LIFR: variants seen among roughly 807,000 people sequenced by gnomAD.
LIFR encodes leukemia inhibitory factor receptor.
LIFR carries 84 observed loss-of-function variants against 122.2 expected under a neutral mutation model. The observed-to-expected ratio is 0.69, with a 90% CI of 0.58 to 0.82. LIFR has a LOEUF of 0.82. LIFR is among the 40% of genes least tolerant of loss of function. LIFR has a pLI of 0.00. For synonymous variants in LIFR, 422 were observed against 434.7 expected, an observed-to-expected ratio of 0.97 and a Z score of 0.36; for missense variants, 1,294 against 1,311.6, an observed-to-expected ratio of 0.99 and a Z score of 0.21.
upstream of LIFR, chr5:38,559,308 A>G (rs1748744012): frequency 6.6e-6 from 1 of 152,384 alleles, no homozygotes; most frequent in South Asian, 2.1e-4. Flanking sequence ...GTAACAAAGC[A>G]AGAGCTTTAA....
chr5:38,502,901 T>G, intron 10 of LIFR, 102 bp from the exon 11 acceptor site: 1 of 594,890 alleles, frequency 1.7e-6, no homozygotes, highest in East Asian at 3.4e-5. Flanking sequence ...TAAGAAAGCC[T>G]TCACATTTGT....
chr5:38,578,207 C>CTTTTT lies in LIFR; in HGVS notation c.-20+17049_-20+17053dup, dbSNP rs3079294. On this transcript the variant is annotated intron_variant, in intron 1 of 19. Transcript: ENST00000263409. Reference sequence around the variant, plus strand: ...TTTCTTTTCTTTTCTTTTTCTTTTTCTTTTTTTTTTTTTTTTGAGACAGAG... The same window carrying CTTTTT: ...TTTCTTTTCTTTTCTTTTTCTTTTTCTTTTTTTTTTTTTTTTTTTTTGAGACAGAG... Among the ~76,000 whole-genome samples, 39 of 123,452 alleles carry CTTTTT rather than the reference C, an allele frequency of 3.2e-4. 2 individuals are homozygous for CTTTTT. The highest frequency in any genetic ancestry group is 5.4e-4 in the Admixed American group (6 of 11,092). The allele number at this position is 123,452 out of a possible 152,430, so 81.0% of individuals were successfully genotyped here. A position where few individuals can be genotyped will look rare whatever the true frequency, so the allele number is the denominator to read the frequency against.
chr5:38,500,201 G>GTA (rs1745105022), intron 11 of LIFR, among the ~76,000 whole-genome samples: 1 of 152,132 alleles, frequency 6.6e-6, no homozygotes, highest in East Asian at 1.9e-4. Flanking sequence ...ATATAGATGT[G>GTA]TATATATATA....
At chr5:38,502,888 T>C in intron 10 of LIFR, 89 bp from the exon 11 acceptor site, 1 of 725,972 alleles carries the variant, frequency 1.4e-6, no homozygotes, top group Admixed American at 3.4e-5. Context: ...CACTTTTTTT[T>C]GGTAAGAAAG....
At chr5:38,546,410 AT>A (rs1747896437) in intron 1 of LIFR, among the ~76,000 whole-genome samples, 1 of 151,732 alleles carries the variant, frequency 6.6e-6, no homozygotes, top group Non-Finnish European at 1.5e-5. Flanking sequence ...AACCATATAC[AT>A]AAAAAAAACA....
chr5:38,588,071 T>G (rs1036125697), intron 1 of LIFR, among the ~76,000 whole-genome samples: 2 of 152,230 alleles, frequency 1.3e-5, no homozygotes, highest in Non-Finnish European at 2.9e-5. Context: ...TATCAAAGCA[T>G]AAGTTAGCTG....
chr5:38,510,467 C>T lies in LIFR; in HGVS notation c.988G>A (p.Gly330Arg). 6.2e-7 allele frequency: 1 copy of T among 1,612,010 alleles called. No homozygotes were observed. Among genetic ancestry groups the T allele is most frequent in the Non-Finnish European group, 8.5e-7 (1 of 1,179,020 alleles). The change falls in exon 7 of 20, where the codon GGA becomes AGA. Residue 330 changes from glycine (G) to arginine (R), a missense_variant. Gly to Arg is a moderately radical substitution (Grantham distance 125). Transcript: ENST00000453190. ...DNIFGTVIFA[G>R]YPPDTPQQLN... ...CTCTTTAAAATCATATACTTACATC[C>T]AGCAAAAATAACGGTTCCAAATATG...
intron 1 of LIFR, among the ~76,000 whole-genome samples, chr5:38,583,355 C>CT (rs1449396382): frequency 6.6e-6 from 1 of 152,118 alleles, no homozygotes; most frequent in Non-Finnish European, 1.5e-5. Flanking sequence ...CCATGCAAGG[C>CT]TTTTTGGAAA....
At chr5:38,526,425 G>C (rs989600210) in intron 4 of LIFR, among the ~76,000 whole-genome samples, 3 of 150,410 alleles carry the variant, frequency 2.0e-5, no homozygotes, top group African/African-American at 7.3e-5. Flanking sequence ...CTGTGTGTGT[G>C]TGTGTGTGTG....
At chr5:38,586,238 C>T (rs1749744192) in intron 1 of LIFR, among the ~76,000 whole-genome samples, 1 of 152,160 alleles carries the variant, frequency 6.6e-6, no homozygotes, top group African/African-American at 2.4e-5. Flanking sequence ...AACATTATGG[C>T]CTCGTTCCTT....
At position 38,603,080 on chromosome 5, in the gene LIFR, C is replaced by A. The variant is rs112673121; in HGVS notation, n.305+3125G>T. Among the ~76,000 whole-genome samples, 312 of 152,286 alleles carry A rather than the reference C, an allele frequency of 2.0e-3. 1 individual carries two copies. The highest frequency in any genetic ancestry group is 7.3e-3 in the African/African-American group (303 of 41,560). On this transcript the variant is annotated intron_variant and non_coding_transcript_variant, in intron 2 of 3. Coordinates refer to the LIFR transcript ENST00000507786. ...GCCGCCCACCCGAAGGAAAGAATCA[C>A]CCTAAGGGAAAAGGGTACAAGATGG...
chr5:38,557,671 T>G (rs950521983), upstream of LIFR: 27 of 154,892 alleles, frequency 1.7e-4, 1 homozygote, highest in South Asian at 3.5e-3. Context: ...ATTTATAAAT[T>G]GGCAAAATGA....
chr5:38,571,419 G>A (rs373308173), intron 1 of LIFR, among the ~76,000 whole-genome samples: 2 of 151,150 alleles, frequency 1.3e-5, no homozygotes, highest in South Asian at 2.1e-4. Flanking sequence ...GTTGGGGGTC[G>A]TGGTGGGTGT....
chr5:38,493,887 G>T, intron 13 of LIFR, 102 bp from the exon 14 acceptor site: 2 of 927,152 alleles, frequency 2.2e-6, no homozygotes, highest in South Asian at 2.8e-5. Flanking sequence ...TCATTGTGAA[G>T]AAATTATAAA....
chr5:38,552,594 T>C (rs1378497402), intron 1 of LIFR, among the ~76,000 whole-genome samples: 1 of 152,210 alleles, frequency 6.6e-6, no homozygotes, highest in Admixed American at 6.5e-5. Context: ...AAGATAAAAA[T>C]GCTCACCTTT....
intron 13 of LIFR, among the ~76,000 whole-genome samples, chr5:38,495,531 A>G (rs1328183598): frequency 6.6e-6 from 1 of 152,172 alleles, no homozygotes; most frequent in Non-Finnish European, 1.5e-5. Context: ...ACTGACTCAA[A>G]GAGAACAAAG....
chr5:38,559,397 T>G (rs192978929), upstream of LIFR, among the ~76,000 whole-genome samples: 62 of 152,278 alleles, frequency 4.1e-4, 1 homozygote, highest in Non-Finnish European at 7.3e-4. Flanking sequence ...AAGAATAAAT[T>G]TTTCTTATCT....
In LIFR at chr5:38,563,045, C is replaced by A. The variant is rs113670751; in HGVS notation, c.-20+32216G>T. 1.8e-3 allele frequency among the ~76,000 whole-genome samples: 281 copies of A among 152,304 alleles called. 1 individual carries two copies. The highest frequency in any genetic ancestry group is 6.5e-3 in the African/African-American group (269 of 41,564). On this transcript the variant is annotated intron_variant, in intron 1 of 19. Coordinates refer to the LIFR transcript ENST00000263409. ...GTGGCCATCACTATGGCAGCTCTGG[C>A]AAACAGGGACATTTCTGTGGATGGT...
At position 38,529,356 on chromosome 5, in the gene LIFR, C is replaced by G. The variant is rs181894669; in HGVS notation, c.143-516G>C. On this transcript the variant is annotated intron_variant, in intron 2 of 19. Transcript: ENST00000453190. ...CAAAACTTTGAAACTCCTAGTCACCCCCACCTCATTGCTTGCTACCAGACT... is the reference window on the plus strand; with the variant it reads ...CAAAACTTTGAAACTCCTAGTCACCGCCACCTCATTGCTTGCTACCAGACT... Among the ~76,000 whole-genome samples, 320 of 152,154 alleles carry G rather than the reference C, an allele frequency of 2.1e-3. 2 individuals are homozygous for G. Among genetic ancestry groups the G allele is most frequent in the African/African-American group, 7.6e-3 (314 of 41,514 alleles).
Sources: gnomAD v4.1 joint callset for allele counts (sites outside exome capture counted in the v4.1 genomes callset) on GRCh38, gnomAD v4.1.1 for gene constraint, MANE v1.5 for transcripts, NCBI Gene and HGNC (gene_info 2026-07-23, HGNC 2026-07-21) for gene names.